SLC9C2: variants seen among roughly 807,000 people sequenced by gnomAD.
SLC9C2 encodes sodium/hydrogen exchanger 11.
In SLC9C2, 75 loss-of-function variants were observed where a neutral mutation model predicts 140.2. The observed-to-expected ratio is 0.53, with a 90% CI of 0.44 to 0.65. The LOEUF (loss-of-function observed/expected upper bound fraction) is 0.65, where lower values mean the gene tolerates loss of function less well. Among genes scored for constraint, SLC9C2 ranks in the 30% least tolerant of loss-of-function variants. The probability of loss-of-function intolerance (pLI) is 0.00; values close to 1 mark genes in which losing one functional copy is unlikely to be tolerated. For synonymous variants in SLC9C2, 375 were observed against 420.9 expected, an observed-to-expected ratio of 0.89 and a Z score of 1.34; for missense variants, 1,074 against 1,331.8, an observed-to-expected ratio of 0.81 and a Z score of 3.01.
At chr1:173,554,897 C>T in intron 10 of SLC9C2, 83 bp from the exon 11 acceptor site, 1 of 834,486 alleles carries the variant, frequency 1.2e-6, no homozygotes, top group South Asian at 1.6e-5. Flanking sequence ...TAGCCACTTA[C>T]AAAATTCTAT....
intron 24 of SLC9C2, among the ~76,000 whole-genome samples, chr1:173,507,864 C>A (rs1204756802): frequency 6.6e-6 from 1 of 152,158 alleles, no homozygotes; most frequent in Non-Finnish European, 1.5e-5. Flanking sequence ...TGAAACGATG[C>A]ATTTCTGGTT....
rs199865363 is a variant in SLC9C2 at position 173,565,941 on chromosome 1, GTTTTTGTCCTT to G, written c.1046+7230_1046+7240del. Among the ~76,000 whole-genome samples the G allele has an allele frequency of 9.7e-4, 147 of 152,092 alleles. 1 individual carries two copies. In the East Asian group the frequency reaches 0.028, roughly 29 times the overall value. ...CATCATCAATTGAAATGATTACATG[GTTTTTGTCCTT>G]CATTCTGTTGATATGATGTATCACA... is the stretch of plus-strand genomic sequence containing the variant. On this transcript the variant is annotated intron_variant, in intron 9 of 27. Coordinates refer to ENST00000367714, the MANE Select transcript of SLC9C2 (RefSeq NM_178527.4).
intron 9 of SLC9C2, among the ~76,000 whole-genome samples, chr1:173,562,526 G>A (rs1433459476): frequency 6.6e-6 from 1 of 152,054 alleles, no homozygotes; most frequent in African/African-American, 2.4e-5. Flanking sequence ...TAAAAGGAAA[G>A]TACAAGATTT....
At chr1:173,506,824 G>A in intron 25 of SLC9C2, 32 bp downstream of exon 25, 1 of 1,576,216 alleles carries the variant, frequency 6.3e-7, no homozygotes, top group Non-Finnish European at 8.6e-7. Flanking sequence ...ACCGTGAAGA[G>A]CAAGAGACTC....
intron 18 of SLC9C2, among the ~76,000 whole-genome samples, chr1:173,528,810 A>G (rs1388120745): frequency 6.6e-6 from 1 of 152,180 alleles, no homozygotes; most frequent in Non-Finnish European, 1.5e-5. Context: ...AACACCTTTC[A>G]GCTGTTGATA....
At chr1:173,555,471 AC>A (rs1663610228) in intron 10 of SLC9C2, among the ~76,000 whole-genome samples, 6 of 152,146 alleles carry the variant, frequency 3.9e-5, no homozygotes. Context: ...ACTAATAACA[AC>A]AATCACCTGA....
rs529705762 is a variant in SLC9C2, at chr1:173,584,086, A to T, written c.524-464T>A. Among the ~76,000 whole-genome samples the T allele has an allele frequency of 2.0e-5, 3 of 152,336 alleles. No homozygotes were observed. In the South Asian group the frequency reaches 6.2e-4, roughly 32 times the overall value. ...AATAGTATTATTCATAGGAGCTAAA[A>T]GGTGGAAACAACTCAATGTCTATCA... is the stretch of plus-strand genomic sequence containing the variant. On this transcript the variant is annotated intron_variant, in intron 5 of 27. Coordinates refer to ENST00000367714, the MANE Select transcript of SLC9C2 (RefSeq NM_178527.4).
At chr1:173,574,487 AACTG>A (rs1225581796) in intron 8 of SLC9C2, among the ~76,000 whole-genome samples, 2 of 151,414 alleles carry the variant, frequency 1.3e-5, no homozygotes, top group East Asian at 3.9e-4. Context: ...GTCATGGAAT[AACTG>A]ACTGAGTTAA....
At chr1:173,572,002 C>T (rs1367620133) in intron 9 of SLC9C2, among the ~76,000 whole-genome samples, 2 of 152,138 alleles carry the variant, frequency 1.3e-5, no homozygotes, top group Non-Finnish European at 2.9e-5. Flanking sequence ...CTTGTACTTG[C>T]ATTACCTCAT....
intron 9 of SLC9C2, among the ~76,000 whole-genome samples, chr1:173,566,742 T>A (rs1664497809): frequency 6.6e-6 from 1 of 151,868 alleles, no homozygotes; most frequent in African/African-American, 2.4e-5. Context: ...CTCTTCCTTT[T>A]CTAGTTCTTT....
chr1:173,541,708 T>C (rs1378683432), intron 13 of SLC9C2, among the ~76,000 whole-genome samples: 7 of 151,968 alleles, frequency 4.6e-5, no homozygotes, highest in Non-Finnish European at 7.4e-5. Context: ...AAGAAAGTCA[T>C]TCAAAACTGC....
chr1:173,569,894 C>G lies in SLC9C2; in HGVS notation c.1046+3288G>C, dbSNP rs559220223. Among the ~76,000 whole-genome samples, 3 of 152,356 alleles carry G rather than the reference C, an allele frequency of 2.0e-5. No individual in the cohort carries two copies. In the East Asian group the frequency reaches 5.8e-4, roughly 29 times the overall value. ...AAACCATAAGACAAAGTTCTTCCCA[C>G]TCTTTCCTCCTTTTTCCACAGGCAG... On this transcript the variant is annotated intron_variant, in intron 9 of 27. Transcript: ENST00000367714.
intron 9 of SLC9C2, among the ~76,000 whole-genome samples, chr1:173,557,739 A>G (rs769541153): frequency 2.0e-5 from 3 of 152,236 alleles, no homozygotes; most frequent in Non-Finnish European, 2.9e-5. Context: ...CTAAACAAAT[A>G]TAAGGAATTA....
Position 173,514,808 on chromosome 1 carries a change from T to A in SLC9C2, c.2907+2729A>T, listed in dbSNP as rs555173726. On this transcript the variant is annotated intron_variant, in intron 23 of 27. Transcript: ENST00000367714. The stretch of plus-strand genomic sequence containing the variant: ...CTGGTACCAGTTGTTCCTTTCCATA[T>A]TTAGTGCTTCCTTCAGGAGCTCTTG... 7.9e-5 allele frequency among the ~76,000 whole-genome samples: 12 copies of A among 152,312 alleles called. No individual in the cohort carries two copies. In the East Asian group the frequency reaches 2.1e-3, roughly 27 times the overall value.
intron 9 of SLC9C2, among the ~76,000 whole-genome samples, chr1:173,561,718 C>T (rs1664120815): frequency 6.6e-6 from 1 of 152,146 alleles, no homozygotes; most frequent in African/African-American, 2.4e-5. Flanking sequence ...GGTCCCAGAA[C>T]AGGCTTGACC....
intron 13 of SLC9C2, among the ~76,000 whole-genome samples, chr1:173,542,907 C>G (rs190650455): frequency 1.3e-5 from 2 of 152,238 alleles, no homozygotes; most frequent in African/African-American, 4.8e-5. Flanking sequence ...GTATCATACT[C>G]AATGGGCAAA....
intron 17 of SLC9C2, among the ~76,000 whole-genome samples, chr1:173,533,289 G>A (rs888921543): frequency 6.6e-5 from 10 of 151,942 alleles, no homozygotes; most frequent in African/African-American, 2.4e-4. Flanking sequence ...GACAGAGTCT[G>A]GCTCTGTCAC....
chr1:173,588,093 G>T (rs568408281), intron 4 of SLC9C2, among the ~76,000 whole-genome samples: 4 of 152,088 alleles, frequency 2.6e-5, no homozygotes, highest in African/African-American at 4.8e-5. Flanking sequence ...CAATATGAAA[G>T]GTTCTTAAAC....
chr1:173,567,973 C>G (rs1664591219), intron 9 of SLC9C2, among the ~76,000 whole-genome samples: 1 of 152,000 alleles, frequency 6.6e-6, no homozygotes, highest in Non-Finnish European at 1.5e-5. Context: ...TGACTTTACC[C>G]CCCTGCTATT....
Sources: allele counts gnomAD v4.1 joint callset (sites outside exome capture counted in the v4.1 genomes callset), GRCh38; gene constraint gnomAD v4.1.1; transcripts MANE v1.5; gene names NCBI Gene and HGNC (gene_info 2026-07-23, HGNC 2026-07-21).